The following ZDHHC2 variants were observed in gnomAD, a reference collection of about 807,000 sequenced individuals.
ZDHHC2 encodes the protein zDHHC palmitoyltransferase 2.
In ZDHHC2, 51 loss-of-function variants were observed where a neutral mutation model predicts 55.6. The ratio of observed to expected loss-of-function variants is 0.92; its 90% CI spans 0.73 to 1.16. ZDHHC2 has a LOEUF of 1.16. Among genes scored for constraint, ZDHHC2 ranks in the 50% most tolerant of loss-of-function variants. ZDHHC2 has a pLI of 0.00. For synonymous variants in ZDHHC2, 199 were observed against 152.9 expected, an observed-to-expected ratio of 1.30 and a Z score of -2.22; for missense variants, 491 against 442.4, an observed-to-expected ratio of 1.11 and a Z score of -0.99.
At chr8:17,178,823 A>G (rs985730170) in intron 1 of ZDHHC2, among the ~76,000 whole-genome samples, 1 of 152,138 alleles carries the variant, frequency 6.6e-6, no homozygotes, top group Non-Finnish European at 1.5e-5. Context: ...TACCTGTTTT[A>G]TTTTTACACA....
intron 2 of ZDHHC2, among the ~76,000 whole-genome samples, chr8:17,185,947 G>A (rs1169359334): frequency 6.6e-6 from 1 of 152,192 alleles, no homozygotes; most frequent in East Asian, 1.9e-4. Context: ...TGTCAGTAAA[G>A]CAAAGTTCTT....
chr8:17,203,809 CTTTT>C lies in ZDHHC2; in HGVS notation c.477-1832_477-1829del, dbSNP rs3041019. 7.1e-3 allele frequency among the ~76,000 whole-genome samples: 926 copies of C among 130,124 alleles called. 9 individuals are homozygous for C. Among genetic ancestry groups the C allele is most frequent in the African/African-American group, 0.021 (756 of 35,952 alleles). 85.4% of individuals were successfully genotyped at this position (130,124 alleles called of 152,430 possible). The stretch of plus-strand genomic sequence containing the variant: ...GCACAATTTGTGGCTTCTTTTTTTT[CTTTT>C]TTTTTTTTTTTTTGAGAGGAAGTCT... On this transcript the variant is annotated intron_variant, in intron 6 of 12. Coordinates refer to ENST00000262096, the MANE Select transcript of ZDHHC2 (RefSeq NM_016353.5).
chr8:17,196,081 T>A (rs1453456839), intron 4 of ZDHHC2, among the ~76,000 whole-genome samples: 12 of 152,198 alleles, frequency 7.9e-5, no homozygotes, highest in Admixed American at 6.5e-4. Context: ...TTGGTATAAT[T>A]TTTTATCTAT....
In ZDHHC2 at chr8:17,221,622, T is replaced by A. The variant is rs910366884; in HGVS notation, c.*1401T>A. The A allele has an allele frequency of 6.6e-6, 1 of 152,440 alleles. No homozygotes were observed. The highest frequency in any genetic ancestry group is 1.9e-4 in the East Asian group (1 of 5,196). 9.4% of individuals were successfully genotyped at this position (152,440 alleles called of 1,614,324 possible). A position where few individuals can be genotyped will look rare whatever the true frequency, so the allele number is the denominator to read the frequency against. ...AATAAACTAGAAGGCCAGAGGATAATGGAATAAAAGATCATTGCAATTACT... is the reference window on the plus strand; with the variant it reads ...AATAAACTAGAAGGCCAGAGGATAAAGGAATAAAAGATCATTGCAATTACT... On this transcript the variant is annotated 3_prime_UTR_variant, in exon 13 of 13. Transcript: ENST00000262096.
chr8:17,192,725 A>G (rs1563156144), intron 3 of ZDHHC2, among the ~76,000 whole-genome samples: 1 of 152,168 alleles, frequency 6.6e-6, no homozygotes, highest in African/African-American at 2.4e-5. Flanking sequence ...GAGTTTCCCC[A>G]ACGTTTTCTT....
intron 10 of ZDHHC2, among the ~76,000 whole-genome samples, chr8:17,211,531 C>G (rs1807384591): frequency 6.6e-6 from 1 of 152,058 alleles, no homozygotes; most frequent in Admixed American, 6.6e-5. Flanking sequence ...CTCTTGTCAC[C>G]CAGGCTGGAG....
chr8:17,175,983 A>G (rs1805106530), intron 1 of ZDHHC2, among the ~76,000 whole-genome samples: 5 of 152,230 alleles, frequency 3.3e-5, no homozygotes, highest in African/African-American at 4.8e-5. Context: ...CAAAGGGACT[A>G]GTGACCAGAA....
intron 8 of ZDHHC2, among the ~76,000 whole-genome samples, chr8:17,209,361 G>A (rs1443390179): frequency 6.6e-6 from 1 of 152,140 alleles, no homozygotes; most frequent in Non-Finnish European, 1.5e-5. Flanking sequence ...AGGCATGGTG[G>A]CATGACACCT....
chr8:17,193,983 G>C (rs1211156636), intron 3 of ZDHHC2, among the ~76,000 whole-genome samples: 1 of 152,132 alleles, frequency 6.6e-6, no homozygotes, highest in Non-Finnish European at 1.5e-5. Flanking sequence ...TGTTCTCACT[G>C]TTCCACTCCC....
Position 17,199,230 on chromosome 8 carries a change from A to G in ZDHHC2, c.476+817A>G, listed in dbSNP as rs116144261. Reference sequence around the variant, plus strand: ...TCCCAGGGGAATGTAGGATTATGGTATCCTGTATCTTTCACCAGTATACCT... The same window carrying G: ...TCCCAGGGGAATGTAGGATTATGGTGTCCTGTATCTTTCACCAGTATACCT... On this transcript the variant is annotated intron_variant, in intron 6 of 12. Coordinates refer to ENST00000262096, the MANE Select transcript of ZDHHC2 (RefSeq NM_016353.5). 2.5e-3 allele frequency among the ~76,000 whole-genome samples: 388 copies of G among 152,298 alleles called. 2 individuals are homozygous for G. The highest frequency in any genetic ancestry group is 8.6e-3 in the African/African-American group (359 of 41,572).
In ZDHHC2 at chr8:17,213,667, T is replaced by G. The variant is rs140120408; in HGVS notation, c.951-1570T>G. Among the ~76,000 whole-genome samples the G allele has an allele frequency of 8.5e-5, 13 of 152,318 alleles. 1 individual carries two copies. The highest frequency in any genetic ancestry group is 2.6e-4 in the African/African-American group (11 of 41,576). On this transcript the variant is annotated intron_variant, in intron 10 of 12. Transcript: ENST00000262096. Reference sequence around the variant, plus strand: ...GTGAAATTTCCATAAGAACAAAGACTTTGTTTATTAAAGTGACAGGTGCTC... The same window carrying G: ...GTGAAATTTCCATAAGAACAAAGACGTTGTTTATTAAAGTGACAGGTGCTC...
intron 3 of ZDHHC2, among the ~76,000 whole-genome samples, chr8:17,188,871 A>G (rs1049985420): frequency 5.3e-5 from 8 of 152,162 alleles, no homozygotes; most frequent in African/African-American, 1.7e-4. Context: ...GTCAGTAATG[A>G]CAGTTTCACT....
intron 8 of ZDHHC2, among the ~76,000 whole-genome samples, chr8:17,208,634 G>T (rs897930237): frequency 1.3e-5 from 2 of 151,918 alleles, no homozygotes; most frequent in African/African-American, 4.8e-5. Context: ...AATTACAGTG[G>T]GTAGTCAATT....
At chr8:17,168,204 C>G (rs770249100) in intron 1 of ZDHHC2, among the ~76,000 whole-genome samples, 1 of 152,144 alleles carries the variant, frequency 6.6e-6, no homozygotes, top group East Asian at 1.9e-4. Flanking sequence ...AATTTTGGCT[C>G]GGCATTCTTT....
At chr8:17,201,499 T>G (rs1056289202) in intron 6 of ZDHHC2, among the ~76,000 whole-genome samples, 1 of 129,894 alleles carries the variant, frequency 7.7e-6, no homozygotes, top group African/African-American at 2.9e-5. Flanking sequence ...TTTTTTTTTT[T>G]TTTTTTTTTT....
chr8:17,192,082 C>T (rs140057251), intron 3 of ZDHHC2, among the ~76,000 whole-genome samples: 3 of 152,240 alleles, frequency 2.0e-5, no homozygotes, highest in Non-Finnish European at 2.9e-5. Context: ...TTCCTGGGTT[C>T]GAGCAATAGT....
At chr8:17,169,143 C>T (rs894332009) in intron 1 of ZDHHC2, among the ~76,000 whole-genome samples, 1 of 152,032 alleles carries the variant, frequency 6.6e-6, no homozygotes, top group African/African-American at 2.4e-5. Flanking sequence ...CAGGTGTCAC[C>T]CAGAGAAGCC....
chr8:17,194,542 C>T (rs2904705), intron 3 of ZDHHC2, among the ~76,000 whole-genome samples: 151,244 of 151,950 alleles, frequency 1, 75,280 homozygotes, highest in Middle Eastern at 1. Flanking sequence ...GTTATTCTTT[C>T]TTCTTTATAA....
intron 1 of ZDHHC2, chr8:17,157,508 A>G (rs946428608): frequency 6.6e-6 from 1 of 152,238 alleles, no homozygotes; most frequent in African/African-American, 2.4e-5. Context: ...AAAAGAGGTG[A>G]TCGTCTGAGG....
Sources: allele counts gnomAD v4.1 joint callset (sites outside exome capture counted in the v4.1 genomes callset), GRCh38; gene constraint gnomAD v4.1.1; transcripts MANE v1.5; gene names NCBI Gene and HGNC (gene_info 2026-07-23, HGNC 2026-07-21).